FOXP1: variants seen among roughly 807,000 people sequenced by gnomAD.
FOXP1 encodes the protein forkhead box P1.
A neutral mutation model predicts 98.2 loss-of-function variants in FOXP1; 15 were observed. The ratio of observed to expected loss-of-function variants is 0.15; its 90% CI spans 0.10 to 0.24. The LOEUF (loss-of-function observed/expected upper bound fraction) is 0.24. Among genes scored for constraint, FOXP1 ranks in the 10% least tolerant of loss-of-function variants. FOXP1 has a pLI of 1.00. For synonymous variants in FOXP1, 371 were observed against 314.5 expected, an observed-to-expected ratio of 1.18 and a Z score of -1.90; for missense variants, 633 against 848.5, an observed-to-expected ratio of 0.75 and a Z score of 3.15.
intron 3 of FOXP1, among the ~76,000 whole-genome samples, chr3:71,437,676 C>T (rs926394519): frequency 1.6e-4 from 24 of 152,222 alleles, no homozygotes; most frequent in African/African-American, 5.8e-4. Context: ...CAGCATAAAA[C>T]GCAAGCCCAA....
chr3:71,174,785 TAC>T (rs3064896), intron 6 of FOXP1, among the ~76,000 whole-genome samples: 4,448 of 131,534 alleles, frequency 0.034, 87 homozygotes, highest in African/African-American at 0.048. Context: ...TGCACATGCA[TAC>T]ACACACACAC....
chr3:71,258,209 G>C (rs2068798995), intron 5 of FOXP1, among the ~76,000 whole-genome samples: 1 of 152,162 alleles, frequency 6.6e-6, no homozygotes, highest in South Asian at 2.1e-4. Flanking sequence ...ACACACTTGT[G>C]GGAGCCCAGA....
chr3:71,263,653 G>A (rs547146922), intron 5 of FOXP1, among the ~76,000 whole-genome samples: 1 of 152,212 alleles, frequency 6.6e-6, no homozygotes, highest in South Asian at 2.1e-4. Context: ...CTACTCCTTT[G>A]TGGAGATTCA....
At chr3:71,548,162 G>A (rs1375338280) in intron 2 of FOXP1, among the ~76,000 whole-genome samples, 1 of 152,156 alleles carries the variant, frequency 6.6e-6, no homozygotes, top group Non-Finnish European at 1.5e-5. Flanking sequence ...GAAAATGTGG[G>A]TGACTGGCAG....
intron 2 of FOXP1, among the ~76,000 whole-genome samples, chr3:71,495,773 C>T (rs911230758): frequency 6.6e-6 from 1 of 152,124 alleles, no homozygotes; most frequent in Admixed American, 6.5e-5. Context: ...ATATAAAAGT[C>T]CTGAGTTTTT....
intron 2 of FOXP1, chr3:71,543,658 AG>A (rs2045080240): frequency 6.6e-6 from 1 of 152,284 alleles, no homozygotes; most frequent in African/African-American, 2.4e-5. Flanking sequence ...GGCCAAGCAA[AG>A]CTTGAGCTGA....
intron 7 of FOXP1, among the ~76,000 whole-genome samples, chr3:71,091,228 G>T (rs968173034): frequency 6.6e-6 from 1 of 152,038 alleles, no homozygotes; most frequent in South Asian, 2.1e-4. Context: ...GGTGGCTCAC[G>T]TCTGTAACCC....
At chr3:71,017,172 G>A (rs2044622499) in intron 11 of FOXP1, among the ~76,000 whole-genome samples, 1 of 152,050 alleles carries the variant, frequency 6.6e-6, no homozygotes, top group African/African-American at 2.4e-5. Flanking sequence ...AGTTAACAGG[G>A]TAAAACTGCA....
chr3:71,041,432 G>A lies in FOXP1; in HGVS notation c.765C>T (p.Thr255=), dbSNP rs774119279. The A allele has an allele frequency of 6.2e-7, 1 of 1,613,830 alleles. No individual in the cohort carries two copies. Among genetic ancestry groups the A allele is most frequent in the South Asian group, 1.1e-5 (1 of 91,086 alleles). ...TGNNHSSLDL[T]TTCVSSSAPS... Reference sequence around the variant, plus strand: ...GTGCAGAGGAGGAGACACATGTCGTGGTCAGATCCAAACTGCTGTGATTGT... The same window carrying A: ...GTGCAGAGGAGGAGACACATGTCGTAGTCAGATCCAAACTGCTGTGATTGT... Residue 255 remains threonine (T), a synonymous_variant, in exon 11 of 21, where the codon ACC becomes ACT. Transcript: ENST00000649528.
At chr3:71,242,324 C>A (rs183816111) in intron 5 of FOXP1, among the ~76,000 whole-genome samples, 1 of 152,124 alleles carries the variant, frequency 6.6e-6, no homozygotes, top group South Asian at 2.1e-4. Flanking sequence ...TAGACCAGAA[C>A]GCTCCTAAGC....
At chr3:71,583,425 T>TG (rs1559559416) in intron 1 of FOXP1, 146 bp downstream of exon 1, 22 of 886,410 alleles carry the variant, frequency 2.5e-5, no homozygotes, top group Non-Finnish European at 3.0e-5. Flanking sequence ...GGAAAGTAGT[T>TG]GTTTTTTTTT....
chr3:71,082,266 G>A (rs2054511790), intron 7 of FOXP1, among the ~76,000 whole-genome samples: 1 of 148,246 alleles, frequency 6.7e-6, no homozygotes, highest in Non-Finnish European at 1.5e-5. Flanking sequence ...GTGACACAGT[G>A]AGACTCTGTT....
At chr3:71,001,778 C>T (rs901446689) in intron 12 of FOXP1, among the ~76,000 whole-genome samples, 1 of 152,138 alleles carries the variant, frequency 6.6e-6, no homozygotes, top group African/African-American at 2.4e-5. Context: ...ATTGAAATTT[C>T]AATCAGTTTT....
At chr3:71,372,666 G>C (rs780556942) in intron 3 of FOXP1, among the ~76,000 whole-genome samples, 25 of 152,176 alleles carry the variant, frequency 1.6e-4, no homozygotes, top group Non-Finnish European at 3.1e-4. Context: ...GATATGCGTT[G>C]AATGGATGAA....
chr3:71,198,164 C>T, intron 6 of FOXP1, 38 bp downstream of exon 6: 4 of 1,613,964 alleles, frequency 2.5e-6, no homozygotes, highest in Non-Finnish European at 3.4e-6. Context: ...AAATTCGCAC[C>T]CACCACCTCC....
chr3:71,031,048 C>A (rs536088456), intron 11 of FOXP1, among the ~76,000 whole-genome samples: 8 of 152,170 alleles, frequency 5.3e-5, no homozygotes, highest in African/African-American at 1.9e-4. Flanking sequence ...GATGTATGAC[C>A]CAGAATTCCA....
chr3:71,542,179 T>A (rs2044894013), intron 2 of FOXP1: 1 of 398,410 alleles, frequency 2.5e-6, no homozygotes, highest in Non-Finnish European at 5.0e-6. Context: ...ACAACACCCT[T>A]AATGTTTTTC....
intron 2 of FOXP1, among the ~76,000 whole-genome samples, chr3:71,508,292 T>C (rs900871696): frequency 1.3e-5 from 2 of 152,240 alleles, no homozygotes; most frequent in East Asian, 1.9e-4. Context: ...TCATAAATCA[T>C]GTTTGTAATA....
intron 4 of FOXP1, chr3:71,334,107 T>C (rs1327055520): frequency 6.6e-6 from 1 of 151,800 alleles, no homozygotes; most frequent in African/African-American, 2.4e-5. Context: ...ATCCAACATA[T>C]AGAAAATAGG....
Sources: gnomAD v4.1 joint callset for allele counts (sites outside exome capture counted in the v4.1 genomes callset) on GRCh38, gnomAD v4.1.1 for gene constraint, MANE v1.5 for transcripts, NCBI Gene and HGNC (gene_info 2026-07-23, HGNC 2026-07-21) for gene names.